CCNJL: variants seen among roughly 807,000 people sequenced by gnomAD.
The protein encoded by CCNJL is cyclin J like, also known as cyclin-J-like protein.
A neutral mutation model predicts 33.4 loss-of-function variants in CCNJL; 33 were observed. The ratio of observed to expected loss-of-function variants is 0.99; its 90% CI spans 0.75 to 1.32. The LOEUF (loss-of-function observed/expected upper bound fraction) is 1.32. CCNJL is among the 40% of genes most tolerant of loss of function. CCNJL has a pLI of 0.00. For synonymous variants in CCNJL, 227 were observed against 220.9 expected (o/e 1.03, Z -0.24); for missense variants, 512 against 499.7 (o/e 1.02, Z -0.23).
intron 3 of CCNJL, among the ~76,000 whole-genome samples, chr5:160,274,598 A>G (rs1384150845): frequency 6.6e-6 from 1 of 152,224 alleles, no homozygotes; most frequent in Non-Finnish European, 1.5e-5. Flanking sequence ...ACCCCCCTGA[A>G]AGAAAGGCCA....
chr5:160,263,113 A>C (rs1208143258), intron 3 of CCNJL, among the ~76,000 whole-genome samples: 1 of 152,188 alleles, frequency 6.6e-6, no homozygotes, highest in Non-Finnish European at 1.5e-5. Context: ...CCTTCACCAG[A>C]TTCTGCCCTT....
At chr5:160,277,410 A>G (rs1181343767) in intron 3 of CCNJL, among the ~76,000 whole-genome samples, 2 of 152,242 alleles carry the variant, frequency 1.3e-5, no homozygotes, top group South Asian at 2.1e-4. Context: ...TTTTAATTAA[A>G]CAACAGGAAG....
intron 1 of CCNJL, among the ~76,000 whole-genome samples, chr5:160,325,346 C>T (rs1306388464): frequency 6.6e-6 from 1 of 152,196 alleles, no homozygotes; most frequent in Non-Finnish European, 1.5e-5. Flanking sequence ...GCCCCCTCAG[C>T]AGTCATTGGT....
At chr5:160,307,531 A>G (rs1306367820) in intron 2 of CCNJL, among the ~76,000 whole-genome samples, 1 of 152,208 alleles carries the variant, frequency 6.6e-6, no homozygotes, top group Non-Finnish European at 1.5e-5. Flanking sequence ...CTTTCAAGAA[A>G]AAAACAAATG....
chr5:160,318,256 A>G (rs1268444955), intron 1 of CCNJL, among the ~76,000 whole-genome samples: 1 of 152,070 alleles, frequency 6.6e-6, no homozygotes, highest in Non-Finnish European at 1.5e-5. Context: ...ACCTCAGGTG[A>G]TCTACCCACC....
rs1208752933 is a variant in CCNJL at position 160,255,565 on chromosome 5, T to C, written c.727A>G (p.Ile243Val). Residue 243 changes from isoleucine to valine, a missense_variant, in exon 5 of 6, where the codon ATT (isoleucine) becomes GTT (valine). Physicochemically the swap from Ile to Val is conservative, Grantham distance 29. Transcript: ENST00000257536. ...GAAACTTACACCAGCAGGATTTCAA[T>C]ACACGTGCTGAGGTGCTCCAGGGAA... ...SYSLEHLSTC[I>V]EILLVVYDNV... The C allele has an allele frequency of 1.2e-6, 2 of 1,614,026 alleles. No homozygotes were observed. Among genetic ancestry groups the C allele is most frequent in the African/African-American group, 2.7e-5 (2 of 74,948 alleles).
intron 1 of CCNJL, chr5:160,326,850 G>T: frequency 1.4e-6 from 1 of 715,704 alleles, no homozygotes; most frequent in Non-Finnish European, 2.6e-6. Context: ...GTTTTGATGA[G>T]TATATGAACC....
At chr5:160,335,748 A>AT (rs1455695161) in intron 1 of CCNJL, among the ~76,000 whole-genome samples, 9 of 125,684 alleles carry the variant, frequency 7.2e-5, no homozygotes, top group Non-Finnish European at 1.1e-4. Context: ...TTTTTTTTGA[A>AT]ATTTTTTTTT....
intron 3 of CCNJL, among the ~76,000 whole-genome samples, chr5:160,264,277 T>G (rs979941193): frequency 6.6e-6 from 1 of 152,102 alleles, no homozygotes; most frequent in African/African-American, 2.4e-5. Context: ...GTGAAGCACT[T>G]CTCTGGCTCT....
intron 1 of CCNJL, among the ~76,000 whole-genome samples, chr5:160,320,830 T>TTTCTTTCTTTCTTTCC (rs1561812462): frequency 7.8e-4 from 98 of 125,766 alleles, no homozygotes; most frequent in African/African-American, 2.7e-3. Flanking sequence ...TCTTTCTTTC[T>TTTCTTTCTTTCTTTCC]TTCTTTCTTT....
intron 2 of CCNJL, among the ~76,000 whole-genome samples, chr5:160,292,289 T>C (rs974060762): frequency 6.6e-6 from 1 of 152,180 alleles, no homozygotes; most frequent in Non-Finnish European, 1.5e-5. Flanking sequence ...ATGAGATATA[T>C]AGATATCTCT....
chr5:160,311,724 G>C, intron 2 of CCNJL, 134 bp downstream of exon 2: 1 of 776,060 alleles, frequency 1.3e-6, no homozygotes, highest in East Asian at 2.5e-5. Context: ...CACTCCGGGA[G>C]AAGGTAAAGG....
intron 3 of CCNJL, among the ~76,000 whole-genome samples, chr5:160,272,709 C>T (rs1362663656): frequency 1.3e-5 from 2 of 152,164 alleles, no homozygotes; most frequent in Non-Finnish European, 2.9e-5. Flanking sequence ...CAAATGAAGT[C>T]AAATTTACGG....
Position 160,253,306 on chromosome 5 carries a change from T to G in CCNJL, c.*72A>C. The G allele has an allele frequency of 6.9e-6, 10 of 1,448,124 alleles. No homozygotes were observed. The highest frequency in any genetic ancestry group is 2.3e-5 in the East Asian group (1 of 43,394). The allele number at this position is 1,448,124 out of a possible 1,614,324, so 89.7% of individuals were successfully genotyped here. A position where few individuals can be genotyped will look rare whatever the true frequency, so the allele number is the denominator to read the frequency against. On this transcript the variant is annotated 3_prime_UTR_variant, in exon 6 of 6. Coordinates refer to ENST00000257536, the MANE Select transcript of CCNJL (RefSeq NM_001308173.3). ...ATGGCCTCCTGCTGCCTCACTTGGC[T>G]GAGCTCTCCTCTTCAGTGTCCTCTT...
At chr5:160,270,994 G>A (rs935836102) in intron 3 of CCNJL, among the ~76,000 whole-genome samples, 1 of 152,172 alleles carries the variant, frequency 6.6e-6, no homozygotes, top group Non-Finnish European at 1.5e-5. Context: ...GTGACAAAGA[G>A]AGACTTTTCC....
chr5:160,273,610 CGT>C (rs984334437), intron 3 of CCNJL, among the ~76,000 whole-genome samples: 10 of 147,362 alleles, frequency 6.8e-5, no homozygotes, highest in African/African-American at 2.5e-4. Context: ...CAGCTCTGTG[CGT>C]GTTTGCAAAG....
At chr5:160,289,697 A>G (rs556787669) in intron 2 of CCNJL, among the ~76,000 whole-genome samples, 2 of 152,120 alleles carry the variant, frequency 1.3e-5, no homozygotes, top group Non-Finnish European at 2.9e-5. Flanking sequence ...GCCCACCTAA[A>G]GCCCCAACCT....
intron 2 of CCNJL, among the ~76,000 whole-genome samples, chr5:160,290,815 T>C (rs1202988743): frequency 2.0e-5 from 3 of 151,384 alleles, no homozygotes; most frequent in East Asian, 1.9e-4. Flanking sequence ...CTTAAACAGG[T>C]GAGAAAAAAC....
At chr5:160,261,629 C>T in intron 3 of CCNJL, among the ~76,000 whole-genome samples, 1 of 150,642 alleles carries the variant, frequency 6.6e-6, no homozygotes, top group Admixed American at 6.6e-5. Flanking sequence ...CCCCATACTC[C>T]CCCCAACACT....
Sources: allele counts gnomAD v4.1 joint callset (sites outside exome capture counted in the v4.1 genomes callset), GRCh38; gene constraint gnomAD v4.1.1; transcripts MANE v1.5; gene names NCBI Gene and HGNC (gene_info 2026-07-23, HGNC 2026-07-21).